KDM6A: variants seen among roughly 807,000 people sequenced by gnomAD.
KDM6A encodes the protein lysine-specific demethylase 6A.
KDM6A carries 11 observed loss-of-function variants against 117.6 expected under a neutral mutation model. The ratio of observed to expected loss-of-function variants is 0.09; its 90% CI spans 0.06 to 0.15. The LOEUF (loss-of-function observed/expected upper bound fraction) is 0.15, where lower values mean the gene tolerates loss of function less well. KDM6A is among the 10% of genes least tolerant of loss of function. The probability of loss-of-function intolerance (pLI) is 1.00; values close to 1 mark genes in which losing one functional copy is unlikely to be tolerated. For missense variants in KDM6A, 799 were observed against 1,077.3 expected, an observed-to-expected ratio of 0.74 and a Z score of 3.62; for synonymous variants, 384 against 396.1, an observed-to-expected ratio of 0.97 and a Z score of 0.36.
chrX:45,067,101 A>AT (rs1346815464), intron 17 of KDM6A, among the ~76,000 whole-genome samples: 1 of 112,180 alleles, frequency 8.9e-6, no homozygotes. Flanking sequence ...ATACAAACCT[A>AT]TTTGAATAAT....
chrX:45,008,834 A>G (rs1420189191), intron 4 of KDM6A, among the ~76,000 whole-genome samples: 1 of 111,832 alleles, frequency 8.9e-6, no homozygotes, highest in Non-Finnish European at 1.9e-5. Flanking sequence ...GTTGTCTGAG[A>G]CCTTTGTGAC....
At chrX:44,908,586 T>C (rs1035198878) in intron 2 of KDM6A, among the ~76,000 whole-genome samples, 4 of 110,441 alleles carry the variant, frequency 3.6e-5, no homozygotes, top group Non-Finnish European at 7.6e-5. Context: ...CAAGAGTGAG[T>C]GTGTAAGAGG....
chrX:44,966,608 A>C (rs965041955), intron 3 of KDM6A, among the ~76,000 whole-genome samples: 1 of 111,119 alleles, frequency 9.0e-6, no homozygotes, highest in Non-Finnish European at 1.9e-5. Flanking sequence ...CTAAGGATTT[A>C]AGTCCTTGAA....
chrX:45,111,268 T>C, intron 29 of KDM6A, 114 bp from the exon 30 acceptor site: 1 of 591,649 alleles, frequency 1.7e-6, no homozygotes, highest in Non-Finnish European at 2.9e-6. Flanking sequence ...CATAGCAGGC[T>C]GTTGAACTTT....
chrX:45,040,766 G>A (rs1449944583), intron 8 of KDM6A, among the ~76,000 whole-genome samples: 2 of 61,323 alleles, frequency 3.3e-5, no homozygotes, highest in Non-Finnish European at 3.1e-5. Flanking sequence ...CTGGCCGGGC[G>A]GGGGGCTGAC....
intron 29 of KDM6A, among the ~76,000 whole-genome samples, chrX:45,110,470 G>A (rs1037321776): frequency 9.0e-6 from 1 of 111,491 alleles, no homozygotes; most frequent in African/African-American, 3.3e-5. Context: ...GGTGAGACCA[G>A]CCTAAATAAT....
intron 19 of KDM6A, among the ~76,000 whole-genome samples, chrX:45,077,346 T>G (rs914015685): frequency 3.8e-4 from 42 of 111,364 alleles, no homozygotes; most frequent in African/African-American, 1.2e-3. Flanking sequence ...ATATAGGAAG[T>G]CATTAGCAGT....
intron 21 of KDM6A, 98 bp from the exon 22 acceptor site, chrX:45,082,478 A>G (rs1043544358): frequency 3.5e-6 from 2 of 564,247 alleles, no homozygotes; most frequent in Non-Finnish European, 6.1e-6. Context: ...CACAAATAAT[A>G]CTATTCAATC....
chrX:44,985,221 G>A (rs1405266749), intron 4 of KDM6A, among the ~76,000 whole-genome samples: 1 of 111,451 alleles, frequency 9.0e-6, no homozygotes, highest in Non-Finnish European at 1.9e-5. Context: ...TCTGTTATTG[G>A]TGTATAAGAA....
chrX:44,924,695 GTATT>G (rs1431825390), intron 2 of KDM6A, among the ~76,000 whole-genome samples: 28 of 102,378 alleles, frequency 2.7e-4, no homozygotes, highest in African/African-American at 8.8e-4. Flanking sequence ...GTGTGTCTAT[GTATT>G]TATTTATTTA....
Position 44,936,923 on chromosome X carries a change from A to G in KDM6A, c.226-24361A>G, listed in dbSNP as rs187185869. Among the ~76,000 whole-genome samples the G allele has an allele frequency of 1.7e-3, 188 of 111,724 alleles. 1 individual carries two copies. In the East Asian group the frequency reaches 0.051, roughly 31 times the overall value. On this transcript the variant is annotated intron_variant, in intron 2 of 29. Transcript: ENST00000611820. ...ATGCTTAGCCTGTAATACAACTGACATACAACCTTTATCAGGCTTTAGAAG... is the reference window on the plus strand; with the variant it reads ...ATGCTTAGCCTGTAATACAACTGACGTACAACCTTTATCAGGCTTTAGAAG...
intron 4 of KDM6A, among the ~76,000 whole-genome samples, chrX:44,987,980 CT>C: frequency 8.9e-6 from 1 of 111,751 alleles, no homozygotes. Context: ...GGAAATTCTC[CT>C]GGATAATATC....
chrX:45,109,828 G>C (rs1382672708), intron 28 of KDM6A, among the ~76,000 whole-genome samples: 1 of 111,666 alleles, frequency 9.0e-6, no homozygotes, highest in Non-Finnish European at 1.9e-5. Flanking sequence ...TTTGCCAGTG[G>C]TTGTCATGAG....
intron 2 of KDM6A, among the ~76,000 whole-genome samples, chrX:44,929,197 T>G (rs1336165458): frequency 9.1e-6 from 1 of 109,827 alleles, no homozygotes; most frequent in Non-Finnish European, 1.9e-5. Flanking sequence ...CCCAAAGTGC[T>G]GGGATAAGTC....
At chrX:45,054,549 T>C (rs1234907645) in intron 10 of KDM6A, among the ~76,000 whole-genome samples, 3 of 112,098 alleles carry the variant, frequency 2.7e-5, no homozygotes, top group Non-Finnish European at 3.8e-5. Context: ...CTCCATACTA[T>C]TTATCCATTG....
chrX:45,089,971 G>A (rs2148196850), intron 26 of KDM6A, 41 bp downstream of exon 26: 1 of 1,081,942 alleles, frequency 9.2e-7, no homozygotes, highest in Non-Finnish European at 1.3e-6. Flanking sequence ...AATTTATAAA[G>A]GATTATATCC....
intron 10 of KDM6A, among the ~76,000 whole-genome samples, chrX:45,056,717 G>C (rs2044087137): frequency 9.0e-6 from 1 of 111,676 alleles, no homozygotes; most frequent in African/African-American, 3.3e-5. Context: ...TTCATTAGAG[G>C]AAAAGTGGTT....
chrX:44,874,084 C>T, intron 2 of KDM6A, 97 bp downstream of exon 2: 1 of 808,416 alleles, frequency 1.2e-6, no homozygotes, highest in Admixed American at 2.5e-5. Context: ...ATTGTGGCCA[C>T]GGACGATGGT....
intron 6 of KDM6A, among the ~76,000 whole-genome samples, chrX:45,026,238 CTTA>C (rs1014182570): frequency 1.8e-5 from 2 of 112,096 alleles, no homozygotes; most frequent in East Asian, 2.8e-4. Context: ...TGCTTGCCAT[CTTA>C]TTATACTCGA....
Sources: allele counts gnomAD v4.1 joint callset (sites outside exome capture counted in the v4.1 genomes callset), GRCh38; gene constraint gnomAD v4.1.1; transcripts MANE v1.5; gene names NCBI Gene and HGNC (gene_info 2026-07-23, HGNC 2026-07-21).